ABTB3: variants seen among roughly 807,000 people sequenced by gnomAD.
The protein encoded by ABTB3 is ankyrin repeat and BTB domain containing 3.
At chr12:107,461,176 C>T in the ABTB3 span, among the ~76,000 whole-genome samples, 1 of 152,174 alleles carries the variant, frequency 6.6e-6, no homozygotes, top group East Asian at 1.9e-4. Context: ...ACCACGAGAA[C>T]AGTATGGGCG....
the ABTB3 span, among the ~76,000 whole-genome samples, chr12:107,363,521 G>T: frequency 1.3e-5 from 2 of 152,216 alleles, no homozygotes; most frequent in African/African-American, 4.8e-5. Context: ...AATTGTGTCT[G>T]TTGCCCTTTA....
At chr12:107,340,266 G>A in the ABTB3 span, among the ~76,000 whole-genome samples, 1 of 152,124 alleles carries the variant, frequency 6.6e-6, no homozygotes, top group Admixed American at 6.5e-5. Flanking sequence ...GTTGCTTAGT[G>A]GAGAAAAAAT....
the ABTB3 span, among the ~76,000 whole-genome samples, chr12:107,529,334 A>T: frequency 7.0e-6 from 1 of 142,308 alleles, no homozygotes; most frequent in Non-Finnish European, 1.5e-5. Context: ...TGATGGCGAT[A>T]ATGATGGAGA....
At chr12:107,449,434 A>G in the ABTB3 span, among the ~76,000 whole-genome samples, 9 of 152,096 alleles carry the variant, frequency 5.9e-5, no homozygotes, top group African/African-American at 1.7e-4. Flanking sequence ...TTCTCCTTTC[A>G]CTGCCTAAAT....
the ABTB3 span, among the ~76,000 whole-genome samples, chr12:107,511,546 A>G: frequency 2.6e-5 from 4 of 151,890 alleles, no homozygotes; most frequent in East Asian, 1.9e-4. Context: ...ATCCTCCAGC[A>G]TGCTAGCCAG....
chr12:107,580,957 G>A, the ABTB3 span: 3 of 1,551,636 alleles, frequency 1.9e-6, no homozygotes, highest in Non-Finnish European at 2.6e-6. Context: ...CGGGGTCACC[G>A]GTGCGGTCCG....
chr12:107,421,463 G>C, the ABTB3 span, among the ~76,000 whole-genome samples: 1 of 152,150 alleles, frequency 6.6e-6, no homozygotes, highest in Non-Finnish European at 1.5e-5. Flanking sequence ...TGACGAGAAA[G>C]AGAATCTGCT....
the ABTB3 span, among the ~76,000 whole-genome samples, chr12:107,396,830 G>T: frequency 2.0e-5 from 3 of 152,124 alleles, no homozygotes; most frequent in African/African-American, 7.2e-5. Context: ...CCTTGATCTT[G>T]AATTTGGGTC....
the ABTB3 span, among the ~76,000 whole-genome samples, chr12:107,448,475 G>C: frequency 9.2e-5 from 14 of 152,278 alleles, no homozygotes; most frequent in Non-Finnish European, 1.2e-4. Context: ...AGAATGGAAG[G>C]CAGTTCCCAA....
chr12:107,517,306 C>T, the ABTB3 span, among the ~76,000 whole-genome samples: 1 of 152,156 alleles, frequency 6.6e-6, no homozygotes, highest in African/African-American at 2.4e-5. Flanking sequence ...TAGCGTGATG[C>T]CTCCAGCTTT....
At chr12:107,324,412 T>C in the ABTB3 span, among the ~76,000 whole-genome samples, 1 of 152,140 alleles carries the variant, frequency 6.6e-6, no homozygotes, top group South Asian at 2.1e-4. Flanking sequence ...GAAGATTGCT[T>C]GGGGCCAGGA....
chr12:107,376,508 G>A, the ABTB3 span, among the ~76,000 whole-genome samples: 1 of 152,084 alleles, frequency 6.6e-6, no homozygotes, highest in African/African-American at 2.4e-5. Flanking sequence ...GTTGTGTCTG[G>A]CTGCAGTTCA....
the ABTB3 span, among the ~76,000 whole-genome samples, chr12:107,583,621 C>T: frequency 1.3e-5 from 2 of 152,194 alleles, no homozygotes; most frequent in African/African-American, 4.8e-5. Context: ...GAACATGAGC[C>T]TCAGGGGCCA....
chr12:107,529,932 T>A, the ABTB3 span, among the ~76,000 whole-genome samples: 6 of 152,116 alleles, frequency 3.9e-5, no homozygotes, highest in African/African-American at 1.4e-4. Flanking sequence ...GAATTAAACA[T>A]GTAATGTGTT....
the ABTB3 span, among the ~76,000 whole-genome samples, chr12:107,628,246 C>G: frequency 1.3e-5 from 2 of 152,162 alleles, no homozygotes; most frequent in Non-Finnish European, 2.9e-5. Flanking sequence ...GTTCAAGCGA[C>G]TCTCATGCCT....
chr12:107,497,995 T>A, the ABTB3 span, among the ~76,000 whole-genome samples: 2 of 152,030 alleles, frequency 1.3e-5, no homozygotes, highest in Non-Finnish European at 2.9e-5. Context: ...GAAGACAGGC[T>A]CAGAACAAAA....
the ABTB3 span, among the ~76,000 whole-genome samples, chr12:107,387,464 T>A: frequency 2.0e-5 from 3 of 152,322 alleles, no homozygotes; most frequent in South Asian, 6.2e-4. Context: ...TGCTGAGGGC[T>A]CAGCAGTGGC....
At chr12:107,524,266 G>A in the ABTB3 span, among the ~76,000 whole-genome samples, 16,476 of 152,188 alleles carry the variant, frequency 0.11, 953 homozygotes, top group African/African-American at 0.14. Context: ...GATAAGTCAC[G>A]TCGGCTGCTG....
chr12:107,645,274 C>G, the ABTB3 span, among the ~76,000 whole-genome samples: 1 of 152,130 alleles, frequency 6.6e-6, no homozygotes, highest in Non-Finnish European at 1.5e-5. Flanking sequence ...GCCCAGAATT[C>G]ACATTTCTAA....
Sources: gnomAD v4.1 joint callset for allele counts (sites outside exome capture counted in the v4.1 genomes callset) on GRCh38, gnomAD v4.1.1 for gene constraint, MANE v1.5 for transcripts, NCBI Gene and HGNC (gene_info 2026-07-23, HGNC 2026-07-21) for gene names.